SLC41A3: variants seen among roughly 807,000 people sequenced by gnomAD.
SLC41A3 encodes solute carrier family 41 member 3.
SLC41A3 carries 44 observed loss-of-function variants against 45.4 expected under a neutral mutation model. The ratio of observed to expected loss-of-function variants is 0.97; its 90% confidence interval spans 0.76 to 1.25. The LOEUF is 1.25. Ranked by LOEUF, SLC41A3 falls within the 50% of genes most tolerant of loss-of-function variation. The pLI, the probability that SLC41A3 is intolerant of heterozygous loss-of-function variation, is 0.00. For missense variants in SLC41A3, 550 were observed against 600.6 expected (o/e 0.92, Z 0.88); for synonymous variants, 256 against 252.4 (o/e 1.01, Z -0.13).
chr3:126,027,605 C>T (rs886778170), intron 4 of SLC41A3, among the ~76,000 whole-genome samples: 1 of 152,150 alleles, frequency 6.6e-6, no homozygotes, highest in African/African-American at 2.4e-5. Context: ...TATAAAGATA[C>T]CTGAAAATGT....
chr3:126,071,020 C>T lies in SLC41A3; in HGVS notation c.-27-2774G>A, dbSNP rs558909388. 3.3e-5 allele frequency among the ~76,000 whole-genome samples: 5 copies of T among 151,930 alleles called. No homozygotes were observed. In the South Asian group the frequency reaches 1.0e-3, roughly 32 times the overall value. ...AGAAAAAAAAATATAAAAGAAATAA[C>T]AAGTGAATAAAAGTGATACACTAGG... On this transcript the variant is annotated intron_variant, in intron 1 of 10. Transcript: ENST00000360370.
At chr3:126,021,096 G>A (rs186870303) in intron 6 of SLC41A3, among the ~76,000 whole-genome samples, 32 of 152,190 alleles carry the variant, frequency 2.1e-4, no homozygotes, top group South Asian at 6.2e-4. Flanking sequence ...GGATTTCACC[G>A]TGTTAGCCAG....
intron 2 of SLC41A3, chr3:126,056,885 C>A: frequency 8.7e-7 from 1 of 1,151,136 alleles, no homozygotes. Flanking sequence ...GCCATGGAGG[C>A]TCATGGTCCC....
At chr3:126,033,146 G>C (rs1313486477) in intron 4 of SLC41A3, among the ~76,000 whole-genome samples, 1 of 152,178 alleles carries the variant, frequency 6.6e-6, no homozygotes, top group African/African-American at 2.4e-5. Flanking sequence ...GAAGGAGCAG[G>C]CAGAGAGGCA....
chr3:126,049,047 T>G (rs1169240276), intron 3 of SLC41A3, among the ~76,000 whole-genome samples: 1 of 152,234 alleles, frequency 6.6e-6, no homozygotes, highest in Non-Finnish European at 1.5e-5. Flanking sequence ...ACGCCTGTAA[T>G]CCCAGCACTT....
intron 3 of SLC41A3, among the ~76,000 whole-genome samples, chr3:126,039,381 A>T (rs1942428894): frequency 6.6e-6 from 1 of 152,224 alleles, no homozygotes; most frequent in African/African-American, 2.4e-5. Flanking sequence ...GAAGAATACA[A>T]ATCAGCTATT....
chr3:126,015,448 G>A, intron 8 of SLC41A3, 46 bp downstream of exon 8: 1 of 1,601,404 alleles, frequency 6.2e-7, no homozygotes, highest in Non-Finnish European at 8.6e-7. Context: ...CAATCCTGTG[G>A]GCCTACCCAA....
chr3:126,026,429 C>T lies in SLC41A3; in HGVS notation c.504G>A (p.Leu168=). The T allele has an allele frequency of 1.3e-6, 2 of 1,598,874 alleles. No homozygotes were observed. The highest frequency in any genetic ancestry group is 4.5e-5 in the East Asian group (2 of 44,298). ...CCACTTCCTCTCGAGACACCACGCC[C>T]AACAGCAGCGCAGCCACAGCAGCCA... ...GLLAAVAALL[L]GVVSREEVDV... The change falls in exon 5 of 11, where the codon TTG becomes TTA. Residue 168 remains leucine, a synonymous_variant. Transcript: ENST00000360370. The surrounding 1 kb of genome is among the most constrained non-coding windows in gnomAD (Gnocchi z 4.2).
chr3:126,033,528 C>T (rs1224139585), intron 4 of SLC41A3, 79 bp downstream of exon 4: 21 of 1,489,432 alleles, frequency 1.4e-5, no homozygotes, highest in Admixed American at 7.7e-5. Context: ...GACAAGAGCT[C>T]GCTTAGCCTT....
chr3:126,059,298 GAAAGAAAGAAAGGA>G (rs1943914407), intron 2 of SLC41A3, among the ~76,000 whole-genome samples: 1 of 126,866 alleles, frequency 7.9e-6, no homozygotes, highest in Non-Finnish European at 1.7e-5. Context: ...AAGAAAGAAA[GAAAGAAAGAAAGGA>G]AGGATGATCT....
At chr3:126,036,069 T>C (rs935439615) in intron 3 of SLC41A3, among the ~76,000 whole-genome samples, 1 of 152,228 alleles carries the variant, frequency 6.6e-6, no homozygotes, top group African/African-American at 2.4e-5. Flanking sequence ...ATTTAAGATT[T>C]CATTGAATTT....
chr3:126,056,605 T>G (rs1943684980), intron 2 of SLC41A3: 3 of 1,565,590 alleles, frequency 1.9e-6, no homozygotes, highest in Non-Finnish European at 1.7e-6. Context: ...CCTGGGGTGC[T>G]CCAGTCCTCT....
At chr3:126,075,745 C>A (rs1015568018) in intron 1 of SLC41A3, among the ~76,000 whole-genome samples, 1 of 152,112 alleles carries the variant, frequency 6.6e-6, no homozygotes, top group Non-Finnish European at 1.5e-5. Flanking sequence ...GTAGTGTCTT[C>A]AATAAACGGG....
chr3:126,012,580 T>A, intron 9 of SLC41A3, 35 bp downstream of exon 9: 1 of 1,609,450 alleles, frequency 6.2e-7, no homozygotes, highest in Non-Finnish European at 8.5e-7. Context: ...TTTAAAGAAA[T>A]GGCTATCATG....
At chr3:126,101,243 A>G (rs1945703825) in intron 1 of SLC41A3, among the ~76,000 whole-genome samples, 1 of 152,252 alleles carries the variant, frequency 6.6e-6, no homozygotes, top group Non-Finnish European at 1.5e-5. Context: ...CGCACAGATC[A>G]TTTGCAGCCA....
chr3:126,060,143 G>A (rs1943978138), intron 2 of SLC41A3, among the ~76,000 whole-genome samples: 1 of 152,244 alleles, frequency 6.6e-6, no homozygotes, highest in Non-Finnish European at 1.5e-5. Flanking sequence ...GAGAGACCGG[G>A]TGCGGTGGCT....
Position 126,041,767 on chromosome 3 carries a change from T to C in SLC41A3, c.382-8089A>G, listed in dbSNP as rs114801776. 2.4e-3 allele frequency among the ~76,000 whole-genome samples: 369 copies of C among 152,140 alleles called. 1 individual carries two copies. The highest frequency in any genetic ancestry group is 8.3e-3 in the African/African-American group (346 of 41,452). ...CTGACAAAGAGTGGCACCAGCAAGA[T>C]GGTGAATAGGCACCTCCAGGCCCTT... On this transcript the variant is annotated intron_variant, in intron 3 of 10. Transcript: ENST00000360370.
chr3:126,050,233 C>G (rs1431427902), intron 3 of SLC41A3, among the ~76,000 whole-genome samples: 1 of 152,192 alleles, frequency 6.6e-6, no homozygotes, highest in East Asian at 1.9e-4. Context: ...TGCCCCCACC[C>G]CACCTGCCCT....
At chr3:126,091,800 A>G (rs768988660) in intron 1 of SLC41A3, among the ~76,000 whole-genome samples, 2 of 152,130 alleles carry the variant, frequency 1.3e-5, no homozygotes, top group Non-Finnish European at 2.9e-5. Flanking sequence ...TGGGGGTAAA[A>G]TACTTTGATT....
Sources: gnomAD v4.1 joint callset for allele counts (sites outside exome capture counted in the v4.1 genomes callset) on GRCh38, gnomAD v4.1.1 for gene constraint, Gnocchi (gnomAD v3.1) non-coding constraint, MANE v1.5 for transcripts, NCBI Gene and HGNC (gene_info 2026-07-23, HGNC 2026-07-21) for gene names.